The following DNAH6 variants were observed in gnomAD, a reference collection of about 807,000 sequenced individuals.
DNAH6 encodes axonemal beta dynein heavy chain 6.
In DNAH6, 340 loss-of-function variants were observed where a neutral mutation model predicts 491.4. The ratio of observed to expected loss-of-function variants is 0.69; its 90% CI spans 0.63 to 0.76. The LOEUF is 0.76. Among genes scored for constraint, DNAH6 ranks in the 30% least tolerant of loss-of-function variants. The pLI is 0.00. For missense variants in DNAH6, 4,443 were observed against 4,972.2 expected (o/e 0.89, Z 3.20); for synonymous variants, 1,603 against 1,686.1 (o/e 0.95, Z 1.21).
intron 74 of DNAH6, 85 bp from the exon 75 acceptor site, chr2:84,813,886 G>A: frequency 7.1e-7 from 1 of 1,413,792 alleles, no homozygotes; most frequent in Non-Finnish European, 9.7e-7. Context: ...CTAATGCCAG[G>A]GCAGCCTGGT....
chr2:84,779,727 G>C (rs546879491), intron 64 of DNAH6, among the ~76,000 whole-genome samples: 2 of 152,238 alleles, frequency 1.3e-5, no homozygotes, highest in South Asian at 4.1e-4. Flanking sequence ...GCTTTATAGA[G>C]TCTATGGGCT....
intron 61 of DNAH6, among the ~76,000 whole-genome samples, chr2:84,732,582 T>C (rs1699213545): frequency 6.6e-6 from 1 of 152,196 alleles, no homozygotes; most frequent in Non-Finnish European, 1.5e-5. Flanking sequence ...TGGGCAAATA[T>C]ATAGAGACAG....
At chr2:84,762,624 G>C (rs1052942844) in intron 63 of DNAH6, 131 bp from the exon 64 acceptor site, 2 of 629,586 alleles carry the variant, frequency 3.2e-6, no homozygotes, top group Admixed American at 2.9e-5. Flanking sequence ...ATAAAAAGAT[G>C]TATACCCAAT....
At chr2:84,539,854 A>G (rs1294355430) in intron 4 of DNAH6, among the ~76,000 whole-genome samples, 1 of 152,184 alleles carries the variant, frequency 6.6e-6, no homozygotes, top group Non-Finnish European at 1.5e-5. Context: ...TTGGTTAATC[A>G]AACCAGAAGT....
chr2:84,596,759 A>G (rs548803081), intron 18 of DNAH6, among the ~76,000 whole-genome samples: 1 of 152,154 alleles, frequency 6.6e-6, no homozygotes, highest in Non-Finnish European at 1.5e-5. Context: ...TGTTATTTGC[A>G]TAATATTTTT....
chr2:84,582,326 C>T (rs1349176048), intron 14 of DNAH6, among the ~76,000 whole-genome samples: 2 of 152,214 alleles, frequency 1.3e-5, no homozygotes, highest in Non-Finnish European at 2.9e-5. Context: ...GCAGCAGCAG[C>T]AGCATCTGAA....
At chr2:84,801,774 C>A (rs752854330) in intron 70 of DNAH6, among the ~76,000 whole-genome samples, 2 of 151,594 alleles carry the variant, frequency 1.3e-5, no homozygotes, top group Non-Finnish European at 2.9e-5. Flanking sequence ...ATCCCAGCTA[C>A]TCAGGAGGCT....
chr2:84,763,531 C>T (rs1377457693), intron 64 of DNAH6, among the ~76,000 whole-genome samples: 2 of 152,078 alleles, frequency 1.3e-5, no homozygotes, highest in African/African-American at 4.8e-5. Flanking sequence ...CAAGACCACA[C>T]AATGGCAGAG....
At chr2:84,648,699 G>A (rs1207933002) in intron 33 of DNAH6, among the ~76,000 whole-genome samples, 1 of 152,218 alleles carries the variant, frequency 6.6e-6, no homozygotes, top group Non-Finnish European at 1.5e-5. Context: ...AATAGATGAG[G>A]AGTTGCTTCT....
intron 41 of DNAH6, among the ~76,000 whole-genome samples, chr2:84,677,553 C>T (rs1693364041): frequency 6.6e-6 from 1 of 152,184 alleles, no homozygotes; most frequent in African/African-American, 2.4e-5. Flanking sequence ...AGAGCTCAAG[C>T]TCAACACACC....
At chr2:84,609,698 A>C (rs1415537416) in intron 21 of DNAH6, among the ~76,000 whole-genome samples, 1 of 151,982 alleles carries the variant, frequency 6.6e-6, no homozygotes, top group Admixed American at 6.6e-5. Flanking sequence ...AATGTTTAAT[A>C]ATAATATTTT....
intron 11 of DNAH6, among the ~76,000 whole-genome samples, chr2:84,562,297 T>C (rs1165078866): frequency 6.6e-6 from 1 of 151,666 alleles, no homozygotes; most frequent in Admixed American, 6.6e-5. Context: ...ACATAGAAAA[T>C]AATATGACCA....
chr2:84,612,013 A>T (rs1022214955), intron 22 of DNAH6, among the ~76,000 whole-genome samples, 159 bp downstream of exon 22: 1 of 152,090 alleles, frequency 6.6e-6, no homozygotes, highest in African/African-American at 2.4e-5. Flanking sequence ...CTTGCATTTG[A>T]CACACTTGCT....
At chr2:84,749,297 T>C (rs747713768) in intron 63 of DNAH6, among the ~76,000 whole-genome samples, 10 of 152,154 alleles carry the variant, frequency 6.6e-5, no homozygotes, top group Non-Finnish European at 1.5e-4. Context: ...AGAGTAGTTA[T>C]AGGAAAAAGA....
At chr2:84,641,262 C>G (rs1339572158) in intron 32 of DNAH6, among the ~76,000 whole-genome samples, 1 of 152,208 alleles carries the variant, frequency 6.6e-6, no homozygotes, top group African/African-American at 2.4e-5. Context: ...TCCAGGAACC[C>G]TCTGCCTGGC....
At chr2:84,504,601 T>G in the DNAH6 span, among the ~76,000 whole-genome samples, 1,826 of 152,288 alleles carry the variant, frequency 0.012, 38 homozygotes, top group African/African-American at 0.042. Flanking sequence ...TAATCTAAGC[T>G]GTGTCTGCTT....
intron 64 of DNAH6, among the ~76,000 whole-genome samples, chr2:84,764,665 T>TTTTAAAATTATAATTATAATTTTATAA (rs1674909545): frequency 6.6e-6 from 1 of 152,178 alleles, no homozygotes. Context: ...TAATTTCAAC[T>TTTTAAAATTATAATTATAATTTTATAA]TTTAGACTTC....
At chr2:84,661,038 T>A (rs1442161006) in intron 37 of DNAH6, among the ~76,000 whole-genome samples, 2 of 152,152 alleles carry the variant, frequency 1.3e-5, no homozygotes, top group African/African-American at 4.8e-5. Context: ...TATGTCAGTA[T>A]TCAATAAATT....
rs190713918 is a variant in DNAH6 at position 84,637,366 on chromosome 2, T to G, written c.4810T>G (p.Leu1604Val). ...TGCGATGATGGTTCCAAATTATGCC[T>G]TGATTGCAGAGGTGAGCATCACATT... ...PFAMMVPNYA[L>V]IAEVILYSEG... The change falls in exon 31 of 77, where the codon TTG becomes GTG. Residue 1604 changes from leucine to valine, a missense_variant. This residue lies in a region of DNAH6 where 2,977 missense variants were observed against 3,296.6 expected (regional missense o/e 0.90). Coordinates refer to ENST00000389394, the MANE Select transcript of DNAH6 (RefSeq NM_001370.2). The G allele has an allele frequency of 6.5e-7, 1 of 1,546,408 alleles. No individual in the cohort carries two copies. The highest frequency in any genetic ancestry group is 2.5e-5 in the East Asian group (1 of 40,754).
Sources: gnomAD v4.1 joint callset for allele counts (sites outside exome capture counted in the v4.1 genomes callset) on GRCh38, gnomAD v4.1.1 for gene constraint, gnomAD v4.1.1 regional missense constraint, MANE v1.5 for transcripts, NCBI Gene and HGNC (gene_info 2026-07-23, HGNC 2026-07-21) for gene names.